Variants in TWIST2 observed in about 807,000 individuals in gnomAD.
TWIST2 encodes twist-related protein 2.
In TWIST2, 1 loss-of-function variant was observed where a neutral mutation model predicts 11.6. The observed-to-expected ratio is 0.09, with a 90% CI of 0.03 to 0.41. The LOEUF (loss-of-function observed/expected upper bound fraction) is 0.41, where lower values mean the gene tolerates loss of function less well. Ranked by LOEUF, TWIST2 falls within the 10% of genes least tolerant of loss-of-function variation. The pLI is 0.98. For missense variants in TWIST2, 168 were observed against 226.4 expected (o/e 0.74, Z 1.66); for synonymous variants, 87 against 96.6 (o/e 0.90, Z 0.58).
In TWIST2 at chr2:238,895,577, C is replaced by T. The variant is rs959119288; in HGVS notation, c.*36-14265C>T. ...GGTGGGATGCTCTCCTGCCATCTGG[C>T]TGCTCGTGGCTGGCCAGCCCTCGCT... On this transcript the variant is annotated intron_variant, in intron 1 of 1. Coordinates refer to ENST00000612363, the MANE Select transcript of TWIST2 (RefSeq NM_001271893.4). Among the ~76,000 whole-genome samples, 11 of 152,366 alleles carry T rather than the reference C, an allele frequency of 7.2e-5. 1 individual carries two copies. The East Asian group carries it at 2.1e-3, about 29-fold the overall frequency.
chr2:238,856,720 G>A (rs1692334123), intron 1 of TWIST2, among the ~76,000 whole-genome samples: 1 of 151,988 alleles, frequency 6.6e-6, no homozygotes, highest in Non-Finnish European at 1.5e-5. Flanking sequence ...GCTGGCCATG[G>A]GAGACCCGGC....
intron 1 of TWIST2, among the ~76,000 whole-genome samples, chr2:238,882,590 C>G (rs1018002708): frequency 6.6e-6 from 1 of 152,082 alleles, no homozygotes; most frequent in Non-Finnish European, 1.5e-5. Flanking sequence ...TCCAAGGCAG[C>G]ACCGACTCAC....
At chr2:238,891,143 AG>A (rs1316680503) in intron 1 of TWIST2, among the ~76,000 whole-genome samples, 7 of 152,250 alleles carry the variant, frequency 4.6e-5, no homozygotes, top group Non-Finnish European at 1.0e-4. Context: ...ATGAAATGTC[AG>A]GAATTGCAGC....
At chr2:238,871,818 C>G (rs1269007043) in intron 1 of TWIST2, among the ~76,000 whole-genome samples, 4 of 152,128 alleles carry the variant, frequency 2.6e-5, no homozygotes, top group Non-Finnish European at 4.4e-5. Flanking sequence ...CTCTATGACT[C>G]CACTTACACG....
At chr2:238,905,918 CAGGTGTGCGTGTGCGCGTGTGTGT>C (rs1693340883) in intron 1 of TWIST2, among the ~76,000 whole-genome samples, 1 of 112,842 alleles carries the variant, frequency 8.9e-6, no homozygotes, top group African/African-American at 3.6e-5. Context: ...TGTGTGCGTG[CAGGTGTGCGTGTGCGCGTGTGTGT>C]GCGCGCGCGT....
At chr2:238,899,383 A>G (rs1388443325) in intron 1 of TWIST2, among the ~76,000 whole-genome samples, 1 of 152,362 alleles carries the variant, frequency 6.6e-6, no homozygotes, top group Non-Finnish European at 1.5e-5. Context: ...GGCAAGGCCA[A>G]GCCTTTCTGG....
chr2:238,854,600 C>T (rs1019616999), intron 1 of TWIST2, among the ~76,000 whole-genome samples: 2 of 152,118 alleles, frequency 1.3e-5, no homozygotes, highest in Non-Finnish European at 1.5e-5. Context: ...CTCTCTTCCC[C>T]GTGGAGAAAA....
chr2:238,871,431 C>CCACA (rs1559275022), intron 1 of TWIST2, among the ~76,000 whole-genome samples: 1 of 77,866 alleles, frequency 1.3e-5, no homozygotes, highest in African/African-American at 5.0e-5. Context: ...ACCCCACACG[C>CCACA]CACACACACA....
intron 1 of TWIST2, among the ~76,000 whole-genome samples, chr2:238,852,657 A>G (rs551320844): frequency 1.3e-4 from 11 of 81,746 alleles, no homozygotes; most frequent in African/African-American, 6.5e-4. Flanking sequence ...CACTAAACAC[A>G]CACACACACA....
At chr2:238,850,862 CTA>C (rs777598813) in intron 1 of TWIST2, among the ~76,000 whole-genome samples, 49 of 152,060 alleles carry the variant, frequency 3.2e-4, no homozygotes, top group Non-Finnish European at 6.0e-4. Flanking sequence ...AATAGATACT[CTA>C]AAAGAAGAGA....
chr2:238,848,348 C>G lies in TWIST2; in HGVS notation c.133C>G (p.Pro45Ala). 1 of 1,534,672 alleles carries G rather than the reference C, an allele frequency of 6.5e-7. No individual in the cohort carries two copies. The highest frequency in any genetic ancestry group is 8.7e-7 in the Non-Finnish European group (1 of 1,146,048). The change falls in exon 1 of 2, where the codon CCG (proline) becomes GCG (alanine). Residue 45 changes from proline to alanine, a missense_variant. Physicochemically the swap from Pro to Ala is conservative, Grantham distance 27. This residue lies in a region of TWIST2 where 83 missense variants were observed against 92.7 expected (regional missense o/e 0.90). Coordinates refer to ENST00000612363, the MANE Select transcript of TWIST2 (RefSeq NM_001271893.4). ...YSKKSSEDGS[P>A]TPGKRGKKGS... ...CAAGAAGTCGAGCGAAGATGGCAGC[C>G]CGACCCCGGGCAAGCGCGGCAAGAA... is the stretch of plus-strand genomic sequence containing the variant.
At chr2:238,860,456 G>A (rs1399153183) in intron 1 of TWIST2, among the ~76,000 whole-genome samples, 2 of 152,174 alleles carry the variant, frequency 1.3e-5, no homozygotes, top group Non-Finnish European at 2.9e-5. Flanking sequence ...ACCCCATCCT[G>A]TTTCTTTTTA....
At chr2:238,885,699 GA>G (rs1693021948) in intron 1 of TWIST2, among the ~76,000 whole-genome samples, 2 of 152,226 alleles carry the variant, frequency 1.3e-5, no homozygotes, top group Admixed American at 6.5e-5. Flanking sequence ...GTATGACTGG[GA>G]GGCTTATCAG....
At chr2:238,852,529 A>T (rs1460065088) in intron 1 of TWIST2, among the ~76,000 whole-genome samples, 1 of 152,258 alleles carries the variant, frequency 6.6e-6, no homozygotes, top group Non-Finnish European at 1.5e-5. Context: ...ACAGAATCTA[A>T]GAGATACAGA....
intron 1 of TWIST2, among the ~76,000 whole-genome samples, chr2:238,859,910 A>G (rs1384989014): frequency 6.6e-6 from 1 of 152,166 alleles, no homozygotes; most frequent in Non-Finnish European, 1.5e-5. Context: ...CAGTAGACTG[A>G]GTTCTCACCC....
intron 1 of TWIST2, among the ~76,000 whole-genome samples, chr2:238,859,868 A>G (rs1239650169): frequency 6.6e-6 from 1 of 152,100 alleles, no homozygotes; most frequent in African/African-American, 2.4e-5. Context: ...GCTTTTTGTG[A>G]CATGTTGAGT....
intron 1 of TWIST2, among the ~76,000 whole-genome samples, chr2:238,904,532 C>T (rs1693319056): frequency 6.6e-6 from 1 of 151,654 alleles, no homozygotes; most frequent in Admixed American, 6.6e-5. Context: ...GCTCACCTCC[C>T]ACCCTTCTTC....
intron 1 of TWIST2, among the ~76,000 whole-genome samples, chr2:238,897,076 G>A (rs1016737075): frequency 3.9e-5 from 6 of 152,192 alleles, no homozygotes; most frequent in Non-Finnish European, 8.8e-5. Flanking sequence ...GCTTTCAAGA[G>A]AGAACAGAGC....
intron 1 of TWIST2, among the ~76,000 whole-genome samples, chr2:238,870,604 C>T: frequency 9.9e-6 from 1 of 100,770 alleles, no homozygotes; most frequent in Non-Finnish European, 2.0e-5. Context: ...ACCCCACACA[C>T]ACATCACATA....
Sources: gnomAD v4.1 joint callset for allele counts (sites outside exome capture counted in the v4.1 genomes callset) on GRCh38, gnomAD v4.1.1 for gene constraint, gnomAD v4.1.1 regional missense constraint, MANE v1.5 for transcripts, NCBI Gene and HGNC (gene_info 2026-07-23, HGNC 2026-07-21) for gene names.